OSBPL6: variants seen among roughly 807,000 people sequenced by gnomAD.
The protein encoded by OSBPL6 is oxysterol binding protein like 6, also known as oxysterol-binding protein-related protein 6.
In OSBPL6, 49 loss-of-function variants were observed where a neutral mutation model predicts 125.8. The observed-to-expected ratio is 0.39, with a 90% CI of 0.31 to 0.49. The LOEUF is 0.49. Ranked by LOEUF, OSBPL6 falls within the 20% of genes least tolerant of loss-of-function variation. The probability of loss-of-function intolerance (pLI) is 0.88; values close to 1 mark genes in which losing one functional copy is unlikely to be tolerated. For synonymous variants in OSBPL6, 394 were observed against 391.8 expected (o/e 1.01, Z -0.07); for missense variants, 986 against 1,135.4 (o/e 0.87, Z 1.89).
At chr2:178,232,527 T>C (rs1371060119) in intron 1 of OSBPL6, among the ~76,000 whole-genome samples, 4 of 152,176 alleles carry the variant, frequency 2.6e-5, no homozygotes, top group Non-Finnish European at 1.5e-5. Context: ...GAACCTGTAC[T>C]ATAAGGTAGT....
chr2:178,341,984 G>C (rs1690249257), intron 11 of OSBPL6, among the ~76,000 whole-genome samples: 1 of 152,128 alleles, frequency 6.6e-6, no homozygotes. Context: ...TGCCTAGAGA[G>C]AGGCATAGCA....
At chr2:178,205,928 G>A (rs1352107957) in intron 1 of OSBPL6, among the ~76,000 whole-genome samples, 1 of 151,942 alleles carries the variant, frequency 6.6e-6, no homozygotes, top group Non-Finnish European at 1.5e-5. Flanking sequence ...AATATCAAAG[G>A]GTGGGCAAAA....
At chr2:178,364,753 A>C (rs1692654865) in intron 13 of OSBPL6, among the ~76,000 whole-genome samples, 1 of 152,188 alleles carries the variant, frequency 6.6e-6, no homozygotes, top group African/African-American at 2.4e-5. Context: ...TCTAGAGCTC[A>C]GAAGACAGGT....
chr2:178,371,455 T>C (rs1693374812), intron 13 of OSBPL6, among the ~76,000 whole-genome samples: 1 of 152,156 alleles, frequency 6.6e-6, no homozygotes, highest in African/African-American at 2.4e-5. Flanking sequence ...TTGGAGGTAG[T>C]GTTATGAGGA....
chr2:178,266,666 C>T (rs140745638), intron 1 of OSBPL6, among the ~76,000 whole-genome samples: 2 of 152,350 alleles, frequency 1.3e-5, no homozygotes, highest in East Asian at 3.9e-4. Flanking sequence ...CCGCCCCTCA[C>T]AGTCTCTTCA....
rs1260152276 is a variant in OSBPL6 at position 178,372,128 on chromosome 2, A to C, written c.1290A>C (p.Ala430=). 2 of 1,609,496 alleles carry C rather than the reference A, an allele frequency of 1.2e-6. No homozygotes were observed. The highest frequency in any genetic ancestry group is 1.3e-5 in the African/African-American group (1 of 74,866). ...TATGTGGTTTTTGTTATTTTAAGGCACTCAACCAGAATGCTGAACTAAGGA... is the reference window on the plus strand; with the variant it reads ...TATGTGGTTTTTGTTATTTTAAGGCCCTCAACCAGAATGCTGAACTAAGGA... ...MARLRQSLSQ[A]LNQNAELRSR... The change falls in exon 14 of 25, where the codon GCA becomes GCC. Residue 430 remains alanine (A), a splice_region_variant and synonymous_variant. Transcript: ENST00000190611.
intron 1 of OSBPL6, among the ~76,000 whole-genome samples, chr2:178,260,303 A>G (rs186190355): frequency 6.6e-6 from 1 of 152,228 alleles, no homozygotes. Context: ...ATTCTTTTGG[A>G]TTATCTAATT....
chr2:178,241,343 A>G (rs2091283549), intron 1 of OSBPL6, among the ~76,000 whole-genome samples: 1 of 151,020 alleles, frequency 6.6e-6, no homozygotes, highest in Non-Finnish European at 1.5e-5. Context: ...TGAACTCCTG[A>G]CCTCGTGGTC....
intron 1 of OSBPL6, among the ~76,000 whole-genome samples, chr2:178,237,113 T>C (rs2091085219): frequency 6.6e-6 from 1 of 152,226 alleles, no homozygotes; most frequent in Non-Finnish European, 1.5e-5. Context: ...TTCAGGACAC[T>C]GAGTTGATAT....
intron 4 of OSBPL6, among the ~76,000 whole-genome samples, chr2:178,324,909 C>G (rs1247508076): frequency 6.6e-6 from 1 of 152,184 alleles, no homozygotes; most frequent in Non-Finnish European, 1.5e-5. Context: ...AAAATAGAAC[C>G]TATGCGGAGG....
intron 4 of OSBPL6, among the ~76,000 whole-genome samples, chr2:178,325,771 A>G (rs1470779512): frequency 6.6e-6 from 1 of 152,234 alleles, no homozygotes; most frequent in Non-Finnish European, 1.5e-5. Flanking sequence ...GTTTTCCGGC[A>G]TGAAGGCCCC....
At chr2:178,326,687 A>G (rs369411835) in intron 4 of OSBPL6, among the ~76,000 whole-genome samples, 1 of 152,284 alleles carries the variant, frequency 6.6e-6, no homozygotes, top group East Asian at 1.9e-4. Flanking sequence ...AGCATTTATA[A>G]TTGAAACGGG....
chr2:178,237,652 T>G (rs1273850223), intron 1 of OSBPL6, among the ~76,000 whole-genome samples: 2 of 152,220 alleles, frequency 1.3e-5, no homozygotes. Flanking sequence ...AATTCTTTGT[T>G]GTAGGGCACT....
intron 1 of OSBPL6, among the ~76,000 whole-genome samples, chr2:178,253,678 T>C (rs1049763070): frequency 6.6e-6 from 1 of 152,238 alleles, no homozygotes; most frequent in Non-Finnish European, 1.5e-5. Context: ...AAAGTGAATA[T>C]AACAATATGC....
At chr2:178,385,021 T>C (rs1694812935) in intron 18 of OSBPL6, among the ~76,000 whole-genome samples, 1 of 151,976 alleles carries the variant, frequency 6.6e-6, no homozygotes, top group African/African-American at 2.4e-5. Flanking sequence ...CACTCATAAG[T>C]GGGAGTTGAA....
Position 178,397,245 on chromosome 2 carries a change from C to CTTTTTTTTTTTTTTATGTTA in OSBPL6, c.*1687_*1688insTTTTTTTTTTTTTATGTTAT, listed in dbSNP as rs1441935853. ...TTTATCCAAAACTCCTCCCTTGCAT[C>CTTTTTTTTTTTTTTATGTTA]TGAGTTTTTATGTTATGTGTACAGT... On this transcript the variant is annotated 3_prime_UTR_variant, in exon 25 of 25. Coordinates refer to ENST00000190611, the MANE Select transcript of OSBPL6 (RefSeq NM_032523.4). 1 of 152,198 alleles carries CTTTTTTTTTTTTTTATGTTA rather than the reference C, an allele frequency of 6.6e-6. No homozygotes were observed. Among genetic ancestry groups the CTTTTTTTTTTTTTTATGTTA allele is most frequent in the African/African-American group, 2.4e-5 (1 of 41,460 alleles). The allele number at this position is 152,198 out of a possible 1,614,324, so 9.4% of individuals were successfully genotyped here. A position where few individuals can be genotyped will look rare whatever the true frequency, so the allele number is the denominator to read the frequency against.
chr2:178,369,274 A>G (rs1693151704), intron 13 of OSBPL6, among the ~76,000 whole-genome samples: 1 of 152,208 alleles, frequency 6.6e-6, no homozygotes. Context: ...TTTGCATAGA[A>G]TGTAAAAATA....
chr2:178,373,864 A>G, intron 14 of OSBPL6, 26 bp from the exon 15 acceptor site: 1 of 1,613,170 alleles, frequency 6.2e-7, no homozygotes. Context: ...AAAAGCAATT[A>G]CACTGTATGC....
rs773761822 is a variant in OSBPL6 at position 178,228,387 on chromosome 2, G to T, written c.-351+33713G>T. 1.3e-4 allele frequency among the ~76,000 whole-genome samples: 20 copies of T among 152,178 alleles called. No individual in the cohort carries two copies. The East Asian group carries it at 2.3e-3, about 18-fold the overall frequency. ...CATCTCTACTAAAAATACAAAAAAT[G>T]AGCCGGGTGTGGTGGCGTGCGCCTG... On this transcript the variant is annotated intron_variant, in intron 1 of 24. Transcript: ENST00000190611.
Sources: gnomAD v4.1 joint callset for allele counts (sites outside exome capture counted in the v4.1 genomes callset) on GRCh38, gnomAD v4.1.1 for gene constraint, MANE v1.5 for transcripts, NCBI Gene and HGNC (gene_info 2026-07-23, HGNC 2026-07-21) for gene names.